ZNF140: variants seen among roughly 807,000 people sequenced by gnomAD.
ZNF140 encodes the protein zinc finger protein 140 (clone pHZ-39).
Under a neutral mutation model 12.9 loss-of-function variants are expected in ZNF140, and 13 were observed. The observed-to-expected ratio is 1.01, with a 90% confidence interval of 0.66 to 1.60. The LOEUF (loss-of-function observed/expected upper bound fraction) is 1.60. ZNF140 is among the 40% of genes most tolerant of loss of function. The pLI, the probability that ZNF140 is intolerant of heterozygous loss-of-function variation, is 0.00. For synonymous variants in ZNF140, 214 were observed against 186.7 expected (o/e 1.15, Z -1.19); for missense variants, 531 against 548.8 (o/e 0.97, Z 0.32).
chr12:133,090,456 TTTTA>T (rs1478198658), intron 4 of ZNF140, among the ~76,000 whole-genome samples: 1 of 152,206 alleles, frequency 6.6e-6, no homozygotes, highest in Admixed American at 6.5e-5. Context: ...TTGCTCTGAT[TTTTA>T]TTTCTTTTCT....
At chr12:133,101,066 T>A (rs1386609465) in intron 4 of ZNF140, 1 of 412,058 alleles carries the variant, frequency 2.4e-6, no homozygotes, top group East Asian at 7.2e-5. Context: ...AAGGTTTTTT[T>A]CCTTTGACTT....
chr12:133,081,348 A>AATTTATATAT lies in ZNF140; in HGVS notation c.9+21_9+22insTTATATATAT. On this transcript the variant is annotated intron_variant, in intron 2 of 4. Transcript: ENST00000355557. ...GTCTCAGGTAAGCTAATGATTGATAAATATATATATATATATATATATAAA... is the reference window on the plus strand; with the variant it reads ...GTCTCAGGTAAGCTAATGATTGATAAATTTATATATATATATATATATATATATATATAAA... The AATTTATATAT allele has an allele frequency of 3.2e-6, 1 of 317,000 alleles. No homozygotes were observed. Among genetic ancestry groups the AATTTATATAT allele is most frequent in the Non-Finnish European group, 5.8e-6 (1 of 171,710 alleles). 19.6% of individuals were successfully genotyped at this position (317,000 alleles called of 1,614,324 possible). A position where few individuals can be genotyped will look rare whatever the true frequency, so the allele number is the denominator to read the frequency against.
chr12:133,083,754 TC>T lies in ZNF140; in HGVS notation c.232+194del, dbSNP rs575816152. 2.0e-5 allele frequency among the ~76,000 whole-genome samples: 3 copies of T among 151,988 alleles called. No individual in the cohort carries two copies. In the South Asian group the frequency reaches 6.2e-4, roughly 32 times the overall value. ...GTGGGTGGATCACGACGTCAGGAGA[TC>T]GAGACCATCCTGGCTAACACGGTGA... On this transcript the variant is annotated intron_variant, in intron 4 of 4. Transcript: ENST00000355557.
chr12:133,104,598 G>T (rs973327845), intron 4 of ZNF140, among the ~76,000 whole-genome samples: 3 of 152,020 alleles, frequency 2.0e-5, no homozygotes, highest in Admixed American at 1.3e-4. Context: ...TGATCTGCCC[G>T]CCTTGGCCTC....
chr12:133,105,378 A>G (rs1955554312), intron 4 of ZNF140, 132 bp from the exon 5 acceptor site: 2 of 873,354 alleles, frequency 2.3e-6, no homozygotes, highest in Non-Finnish European at 1.7e-6. Context: ...CTCAGATTTC[A>G]GTCACAGCTG....
At chr12:133,102,278 C>G (rs1955376268) in intron 4 of ZNF140, among the ~76,000 whole-genome samples, 1 of 152,214 alleles carries the variant, frequency 6.6e-6, no homozygotes, top group African/African-American at 2.4e-5. Context: ...GCAAGTCTCC[C>G]TGTCATAATT....
intron 4 of ZNF140, 53 bp from the exon 5 acceptor site, chr12:133,105,457 T>C: frequency 6.7e-7 from 1 of 1,485,208 alleles, no homozygotes; most frequent in Non-Finnish European, 8.9e-7. Context: ...AATGGCCTTA[T>C]TTTATTCAAT....
intron 4 of ZNF140, among the ~76,000 whole-genome samples, chr12:133,097,211 C>T (rs1412979781): frequency 6.6e-6 from 1 of 152,230 alleles, no homozygotes; most frequent in Non-Finnish European, 1.5e-5. Flanking sequence ...TCTGTACTCA[C>T]TTATTCTAAA....
chr12:133,087,218 C>T (rs1179596136), intron 4 of ZNF140, among the ~76,000 whole-genome samples: 5 of 151,608 alleles, frequency 3.3e-5, no homozygotes, highest in Admixed American at 6.6e-5. Context: ...AAGGACCTGG[C>T]GATTGGCTAG....
chr12:133,083,659 CT>C (rs1954574970), intron 4 of ZNF140, 98 bp downstream of exon 4: 2 of 1,180,678 alleles, frequency 1.7e-6, no homozygotes, highest in Non-Finnish European at 2.4e-6. Flanking sequence ...AAAATTTTCC[CT>C]TAAAGATACT....
rs1465066926 is a variant in ZNF140, at chr12:133,083,941, CAG to C, written c.232+383_232+384del. Among the ~76,000 whole-genome samples, 289 of 147,484 alleles carry C rather than the reference CAG, an allele frequency of 2.0e-3. 1 individual carries two copies. Among genetic ancestry groups the C allele is most frequent in the Admixed American group, 4.8e-3 (70 of 14,698 alleles). ...CGCCACTGCACTGCAGCCTGGGAGA[CAG>C]AGCAAGACTCCATCTCAAAAAAAAA... is the stretch of plus-strand genomic sequence containing the variant. On this transcript the variant is annotated intron_variant, in intron 4 of 4. Transcript: ENST00000355557.
In ZNF140 at chr12:133,096,183, GC is replaced by G. The variant is rs796169071; in HGVS notation, c.233-9323del. ...CCCTGTGGCTTTCTGCAGTGCATGT[GC>G]CCCTGGTTTATTGAGACTAGAGAAT... On this transcript the variant is annotated intron_variant, in intron 4 of 4. Coordinates refer to ENST00000355557, the MANE Select transcript of ZNF140 (RefSeq NM_003440.4). 2.5e-3 allele frequency among the ~76,000 whole-genome samples: 375 copies of G among 151,124 alleles called. 4 individuals carry two copies. Among genetic ancestry groups the G allele is most frequent in the Middle Eastern group, 3.4e-3 (1 of 290 alleles).
chr12:133,093,934 GTCTC>G (rs1354462766), intron 4 of ZNF140, among the ~76,000 whole-genome samples: 1 of 150,742 alleles, frequency 6.6e-6, no homozygotes, highest in Non-Finnish European at 1.5e-5. Flanking sequence ...GTCTTTTCCA[GTCTC>G]TCTGTCTGTT....
At chr12:133,088,752 A>AT (rs1245086625) in intron 4 of ZNF140, among the ~76,000 whole-genome samples, 13 of 152,156 alleles carry the variant, frequency 8.5e-5, no homozygotes, top group African/African-American at 2.6e-4. Flanking sequence ...ATGTGATTTT[A>AT]TTTTTTTATC....
chr12:133,095,230 G>A (rs1054007198), intron 4 of ZNF140, among the ~76,000 whole-genome samples: 19 of 150,940 alleles, frequency 1.3e-4, no homozygotes, highest in Middle Eastern at 3.2e-3. Flanking sequence ...TTGAAATAGC[G>A]TAATTAGATT....
At chr12:133,104,538 A>G (rs1376309569) in intron 4 of ZNF140, among the ~76,000 whole-genome samples, 1 of 152,018 alleles carries the variant, frequency 6.6e-6, no homozygotes, top group Admixed American at 6.6e-5. Flanking sequence ...TTCTTAGTAG[A>G]GACGGGGTTT....
chr12:133,101,149 G>C (rs1340432535), intron 4 of ZNF140: 2 of 251,316 alleles, frequency 8.0e-6, no homozygotes, highest in East Asian at 2.3e-4. Flanking sequence ...TGTGAGGGGC[G>C]AGAGGGCACT....
Position 133,105,958 on chromosome 12 carries a change from T to G in ZNF140, c.681T>G (p.Ser227Arg). The G allele has an allele frequency of 6.2e-7, 1 of 1,614,098 alleles. No individual in the cohort carries two copies. The highest frequency in any genetic ancestry group is 1.1e-5 in the South Asian group (1 of 91,076). Residue 227 changes from serine (S) to arginine (R), a missense_variant, in exon 5 of 5, where the codon AGT (serine) becomes AGG (arginine). Ser to Arg is a moderately radical substitution (Grantham distance 110). Coordinates refer to ENST00000355557, the MANE Select transcript of ZNF140 (RefSeq NM_003440.4). ...GTAAGGACTGTAATAAAACATTCAG[T>G]TACCTTTCATTTCTTATTGAACACC... ...HECKDCNKTF[S>R]YLSFLIEHQR...
chr12:133,085,547 C>T (rs1483910754), intron 4 of ZNF140, among the ~76,000 whole-genome samples: 2 of 152,146 alleles, frequency 1.3e-5, no homozygotes, highest in Non-Finnish European at 2.9e-5. Context: ...TCATCCTAAC[C>T]CTCCAATAAA....
Sources: gnomAD v4.1 joint callset for allele counts (sites outside exome capture counted in the v4.1 genomes callset) on GRCh38, gnomAD v4.1.1 for gene constraint, MANE v1.5 for transcripts, NCBI Gene and HGNC (gene_info 2026-07-23, HGNC 2026-07-21) for gene names.